Variants in BRINP1 observed in about 807,000 individuals in gnomAD.
BRINP1 encodes BMP/retinoic acid-inducible neural-specific protein 1.
Under a neutral mutation model 72.9 loss-of-function variants are expected in BRINP1, and 17 were observed. That is an observed-to-expected ratio of 0.23 (90% CI 0.16 to 0.35). The LOEUF (loss-of-function observed/expected upper bound fraction) is 0.35, where lower values mean the gene tolerates loss of function less well. Ranked by LOEUF, BRINP1 falls within the 10% of genes least tolerant of loss-of-function variation. BRINP1 has a pLI of 1.00. For synonymous variants in BRINP1, 418 were observed against 378.5 expected (o/e 1.10, Z -1.21); for missense variants, 850 against 1,001.6 (o/e 0.85, Z 2.04).
intron 1 of BRINP1, among the ~76,000 whole-genome samples, chr9:119,331,378 A>G (rs1831299045): frequency 6.6e-6 from 1 of 152,208 alleles, no homozygotes; most frequent in Non-Finnish European, 1.5e-5. Context: ...AGACAATCAC[A>G]TGATTTTGTT....
At chr9:119,219,737 A>G (rs1977575) in intron 5 of BRINP1, among the ~76,000 whole-genome samples, 15,321 of 151,610 alleles carry the variant, frequency 0.1, 952 homozygotes, top group African/African-American at 0.17. Context: ...TGAAACCAGT[A>G]TTCTATGAGA....
chr9:119,298,140 T>C (rs1350280094), intron 2 of BRINP1, among the ~76,000 whole-genome samples: 6 of 152,226 alleles, frequency 3.9e-5, no homozygotes, highest in Non-Finnish European at 8.8e-5. Context: ...AAAGTGATAG[T>C]CTGAAATCAG....
chr9:119,293,506 C>T (rs1830842238), intron 2 of BRINP1, among the ~76,000 whole-genome samples: 1 of 152,094 alleles, frequency 6.6e-6, no homozygotes, highest in Non-Finnish European at 1.5e-5. Context: ...ACCCATGAAA[C>T]AGAAAGGTAG....
chr9:119,278,033 G>C (rs1830673431), intron 2 of BRINP1, among the ~76,000 whole-genome samples: 1 of 152,038 alleles, frequency 6.6e-6, no homozygotes, highest in South Asian at 2.1e-4. Context: ...ATATTATATA[G>C]TTATTCCTTA....
chr9:119,193,506 A>G (rs905430350), intron 7 of BRINP1, among the ~76,000 whole-genome samples: 1 of 152,162 alleles, frequency 6.6e-6, no homozygotes, highest in African/African-American at 2.4e-5. Flanking sequence ...ACATTTACAG[A>G]ATTAATACAG....
chr9:119,285,458 A>C (rs558244859), intron 2 of BRINP1, among the ~76,000 whole-genome samples: 4 of 152,364 alleles, frequency 2.6e-5, no homozygotes, highest in African/African-American at 7.2e-5. Flanking sequence ...CATTTTATAG[A>C]TGAGCACGCA....
chr9:119,309,655 T>C (rs1439629399), intron 2 of BRINP1, among the ~76,000 whole-genome samples: 1 of 152,170 alleles, frequency 6.6e-6, no homozygotes, highest in Non-Finnish European at 1.5e-5. Flanking sequence ...ATTGACCTAG[T>C]AGGTAGGGCA....
intron 7 of BRINP1, among the ~76,000 whole-genome samples, chr9:119,176,584 C>T (rs376410459): frequency 6.6e-6 from 1 of 152,110 alleles, no homozygotes; most frequent in Non-Finnish European, 1.5e-5. Context: ...GTATCAATAT[C>T]TAAAATGAGG....
At chr9:119,253,704 G>A (rs1830416536) in intron 2 of BRINP1, among the ~76,000 whole-genome samples, 1 of 152,130 alleles carries the variant, frequency 6.6e-6, no homozygotes, top group African/African-American at 2.4e-5. Flanking sequence ...AGAACAATGA[G>A]CTCCATGTGC....
At position 119,285,323 on chromosome 9, in the gene BRINP1, C is replaced by T. The variant is rs138850351; in HGVS notation, c.218+27815G>A. On this transcript the variant is annotated intron_variant, in intron 2 of 7. Coordinates refer to ENST00000265922, the MANE Select transcript of BRINP1 (RefSeq NM_014618.3). The stretch of plus-strand genomic sequence containing the variant: ...TGCAGAATGGATCTGCACATTCGAA[C>T]GGGATGGCAGAGGGGAATCAAGAAA... Among the ~76,000 whole-genome samples the T allele has an allele frequency of 5.3e-5, 8 of 152,132 alleles. No homozygotes were observed. In the East Asian group the frequency reaches 1.5e-3, roughly 29 times the overall value.
At chr9:119,364,018 CTTTTTT>C (rs139650782) in intron 1 of BRINP1, among the ~76,000 whole-genome samples, 5 of 125,488 alleles carry the variant, frequency 4.0e-5, no homozygotes, top group Middle Eastern at 4.3e-3. Flanking sequence ...TCATCCCTCC[CTTTTTT>C]TTTTTTTTTT....
chr9:119,360,226 C>A (rs1396203029), intron 1 of BRINP1, among the ~76,000 whole-genome samples: 1 of 152,218 alleles, frequency 6.6e-6, no homozygotes, highest in African/African-American at 2.4e-5. Context: ...GTCCCAGCAG[C>A]AAAACTGTAT....
intron 2 of BRINP1, among the ~76,000 whole-genome samples, chr9:119,309,796 G>A (rs539634619): frequency 1.3e-5 from 2 of 152,160 alleles, no homozygotes; most frequent in Non-Finnish European, 2.9e-5. Context: ...TGAGCTGGGT[G>A]GAGGAGGGGG....
chr9:119,181,536 G>A (rs1432781340), intron 7 of BRINP1, among the ~76,000 whole-genome samples: 1 of 152,210 alleles, frequency 6.6e-6, no homozygotes, highest in Admixed American at 6.5e-5. Flanking sequence ...GATGGAATAT[G>A]CAAAGCTCTA....
intron 3 of BRINP1, among the ~76,000 whole-genome samples, chr9:119,247,618 A>G (rs1359963965): frequency 7.3e-6 from 1 of 137,176 alleles, no homozygotes; most frequent in Non-Finnish European, 1.5e-5. Context: ...TCGCGCCACT[A>G]CTGCACTCCA....
intron 1 of BRINP1, among the ~76,000 whole-genome samples, chr9:119,358,589 G>A (rs562432051): frequency 4.7e-4 from 72 of 152,146 alleles, no homozygotes; most frequent in Non-Finnish European, 8.4e-4. Flanking sequence ...AGCTACTCAG[G>A]AGGCTGAGGC....
At chr9:119,249,220 A>C in intron 2 of BRINP1, 70 bp from the exon 3 acceptor site, 1 of 1,452,156 alleles carries the variant, frequency 6.9e-7, no homozygotes, top group Non-Finnish European at 9.4e-7. Flanking sequence ...CCACCCAACC[A>C]TCCATCCAGG....
chr9:119,358,920 C>A (rs1315587359), intron 1 of BRINP1, among the ~76,000 whole-genome samples: 1 of 152,188 alleles, frequency 6.6e-6, no homozygotes, highest in East Asian at 1.9e-4. Context: ...TATCCCACTG[C>A]CACATGGTGG....
chr9:119,275,646 C>G (rs1830649429), intron 2 of BRINP1, among the ~76,000 whole-genome samples: 2 of 152,158 alleles, frequency 1.3e-5, no homozygotes, highest in South Asian at 4.1e-4. Flanking sequence ...ATACTATAAG[C>G]TCTCCTACAA....
Sources: gnomAD v4.1 joint callset for allele counts (sites outside exome capture counted in the v4.1 genomes callset) on GRCh38, gnomAD v4.1.1 for gene constraint, MANE v1.5 for transcripts, NCBI Gene and HGNC (gene_info 2026-07-23, HGNC 2026-07-21) for gene names.